Variants in BAD observed in about 807,000 individuals in gnomAD.
BAD encodes the protein BCL2 associated agonist of cell death.
A neutral mutation model predicts 17.8 loss-of-function variants in BAD; 18 were observed. The ratio of observed to expected loss-of-function variants is 1.01; its 90% CI spans 0.70 to 1.50. BAD has a LOEUF of 1.50. Ranked by LOEUF, BAD falls within the 40% of genes most tolerant of loss-of-function variation. The pLI is 0.00. For synonymous variants in BAD, 112 were observed against 91.5 expected, an observed-to-expected ratio of 1.22 and a Z score of -1.28; for missense variants, 294 against 239.3, an observed-to-expected ratio of 1.23 and a Z score of -1.51.
At chr11:64,273,017 G>C (rs184873077) in intron 2 of BAD, among the ~76,000 whole-genome samples, 300 of 152,292 alleles carry the variant, frequency 2.0e-3, no homozygotes, top group African/African-American at 6.7e-3. Context: ...CTTGAGTTCA[G>C]GAGTTCGAGA....
chr11:64,275,006 A>AAAAAAAAAAAAG (rs2032951000), intron 2 of BAD, among the ~76,000 whole-genome samples: 1 of 150,384 alleles, frequency 6.6e-6, no homozygotes, highest in African/African-American at 2.5e-5. Context: ...AAAAAAAAAA[A>AAAAAAAAAAAAG]AAAAAAAAAG....
At chr11:64,284,600 C>T in intron 1 of BAD, 31 bp downstream of exon 1, 1 of 1,500,562 alleles carries the variant, frequency 6.7e-7, no homozygotes, top group Non-Finnish European at 8.9e-7. Flanking sequence ...CAGGCCCCGC[C>T]CCGCCCGTGG....
intron 2 of BAD, chr11:64,275,721 C>T (rs937123821): frequency 6.6e-6 from 1 of 152,012 alleles, no homozygotes; most frequent in Non-Finnish European, 1.5e-5. Flanking sequence ...GGCCACAGGA[C>T]CACTACGCTT....
At chr11:64,277,306 C>T (rs897741028) in intron 2 of BAD, among the ~76,000 whole-genome samples, 1 of 152,190 alleles carries the variant, frequency 6.6e-6, no homozygotes, top group Non-Finnish European at 1.5e-5. Flanking sequence ...TGTCCGCCTC[C>T]GGCACCTGTA....
intron 2 of BAD, chr11:64,277,095 C>T (rs2033124855): frequency 1.5e-6 from 1 of 670,606 alleles, no homozygotes; most frequent in Non-Finnish European, 2.8e-6. Flanking sequence ...GACACTTGCA[C>T]ACTGAATTGC....
chr11:64,276,984 T>A, intron 2 of BAD: 1 of 731,252 alleles, frequency 1.4e-6, no homozygotes, highest in East Asian at 2.6e-5. Flanking sequence ...TCCGCGAGCA[T>A]CCCTGCACTG....
chr11:64,280,307 A>C (rs1441918299), intron 2 of BAD, among the ~76,000 whole-genome samples: 1 of 141,250 alleles, frequency 7.1e-6, no homozygotes, highest in African/African-American at 2.6e-5. Context: ...GCGACAGAGC[A>C]AGACTCCATG....
At position 64,270,265 on chromosome 11, in the gene BAD, A is replaced by G; in HGVS notation, c.451T>C (p.Phe151Leu). ...MRQSSSWTRVFQSWWDRNLGR... is the reference protein window; with the variant it reads ...MRQSSSWTRVLQSWWDRNLGR... ...AAGTTCCGATCCCACCAGGACTGGA[A>G]GACTCGCGTCCAGCTGGAGCTTTGC... Residue 151 changes from phenylalanine to leucine, a missense_variant, in exon 4 of 4, where the codon TTC becomes CTC. Phe to Leu is a conservative substitution (Grantham distance 22). Transcript: ENST00000309032. The G allele has an allele frequency of 6.3e-7, 1 of 1,596,902 alleles. No individual in the cohort carries two copies. The highest frequency in any genetic ancestry group is 2.2e-5 in the East Asian group (1 of 44,446).
At chr11:64,271,431 G>C (rs1039004184) in intron 3 of BAD, among the ~76,000 whole-genome samples, 182 bp downstream of exon 3, 1 of 149,972 alleles carries the variant, frequency 6.7e-6, no homozygotes, top group Admixed American at 6.6e-5. Context: ...GCTGGGGAGT[G>C]GGGGCGGGGA....
In BAD at chr11:64,270,035, C is replaced by A. The variant is rs572091521; in HGVS notation, c.*174G>T. 11 of 1,251,560 alleles carry A rather than the reference C, an allele frequency of 8.8e-6. No homozygotes were observed. In the South Asian group the frequency reaches 1.2e-4, roughly 14 times the overall value. 77.5% of individuals were successfully genotyped at this position (1,251,560 alleles called of 1,614,324 possible). On this transcript the variant is annotated 3_prime_UTR_variant, in exon 4 of 4. Transcript: ENST00000309032. ...GAAAACCCAAAACTTCCGATGGGACCAAGCCTTCCGTGGCTTCACACGCAC... is the reference window on the plus strand; with the variant it reads ...GAAAACCCAAAACTTCCGATGGGACAAAGCCTTCCGTGGCTTCACACGCAC...
chr11:64,275,207 A>G (rs1371058975), intron 2 of BAD, among the ~76,000 whole-genome samples: 1 of 151,636 alleles, frequency 6.6e-6, no homozygotes, highest in Non-Finnish European at 1.5e-5. Context: ...AAGATTACAG[A>G]TGACAGCCAG....
Position 64,270,273 on chromosome 11 carries a change from G to T in BAD, c.443C>A (p.Thr148Lys). The T allele has an allele frequency of 6.3e-7, 1 of 1,593,468 alleles. No individual in the cohort carries two copies. Among genetic ancestry groups the T allele is most frequent in the Non-Finnish European group, 8.6e-7 (1 of 1,165,144 alleles). The change falls in exon 4 of 4, where the codon ACG (threonine) becomes AAG (lysine). Residue 148 changes from threonine (T) to lysine (K), a missense_variant. By Grantham distance (78) the Thr-to-Lys change is moderately conservative (BLOSUM62 -1). Transcript: ENST00000309032. Reference protein sequence around the residue: ...ATQMRQSSSWTRVFQSWWDRN... With the variant: ...ATQMRQSSSWKRVFQSWWDRN... ...ATCCCACCAGGACTGGAAGACTCGC[G>T]TCCAGCTGGAGCTTTGCCGCATCTG...
chr11:64,284,698 C>A, upstream of BAD: 1 of 1,535,086 alleles, frequency 6.5e-7, no homozygotes, highest in African/African-American at 1.4e-5. Context: ...GGCTCCGGGC[C>A]CTAGTTGCTT....
intron 3 of BAD, 113 bp from the exon 4 acceptor site, chr11:64,270,450 C>A: frequency 7.2e-7 from 1 of 1,384,140 alleles, no homozygotes; most frequent in African/African-American, 1.4e-5. Flanking sequence ...ATAATGAAGG[C>A]CACAACTCCC....
At chr11:64,270,430 C>CG (rs913456022) in intron 3 of BAD, 93 bp from the exon 4 acceptor site, 87 of 1,444,582 alleles carry the variant, frequency 6.0e-5, no homozygotes, top group Middle Eastern at 1.8e-4. Context: ...TAAGTGAGAT[C>CG]GGGGGGGAGA....
intron 2 of BAD, chr11:64,276,822 G>A (rs961804421): frequency 5.8e-6 from 4 of 688,832 alleles, no homozygotes; most frequent in East Asian, 2.7e-5. Flanking sequence ...CTTGCCATCC[G>A]CCTAGAGCCT....
Position 64,270,111 on chromosome 11 carries a change from T to G in BAD, c.*98A>C. ...CCTCCAAAGGAGACAGCACGGATCC[T>G]CTTTTTGCATAGGCCTGAGGGAAGT... On this transcript the variant is annotated 3_prime_UTR_variant, in exon 4 of 4. Transcript: ENST00000309032. The G allele has an allele frequency of 4.4e-6, 7 of 1,576,280 alleles. No homozygotes were observed. Among genetic ancestry groups the G allele is most frequent in the Non-Finnish European group, 6.1e-6 (7 of 1,154,398 alleles).
chr11:64,277,464 GTC>G (rs1241050393), intron 2 of BAD, among the ~76,000 whole-genome samples: 1 of 152,164 alleles, frequency 6.6e-6, no homozygotes, highest in Non-Finnish European at 1.5e-5. Context: ...CAGCGACAGG[GTC>G]TCTCTCTGTC....
At chr11:64,272,048 G>C (rs753268970) in intron 2 of BAD, among the ~76,000 whole-genome samples, 1 of 152,184 alleles carries the variant, frequency 6.6e-6, no homozygotes, top group Admixed American at 6.5e-5. Context: ...CCAATAATGG[G>C]TGAGGCCCTG....
Sources: allele counts gnomAD v4.1 joint callset (sites outside exome capture counted in the v4.1 genomes callset), GRCh38; gene constraint gnomAD v4.1.1; transcripts MANE v1.5; gene names NCBI Gene and HGNC (gene_info 2026-07-23, HGNC 2026-07-21).